The following RASSF3 variants were observed in gnomAD, a reference collection of about 807,000 sequenced individuals.
The protein encoded by RASSF3 is ras association domain-containing protein 3.
Under a neutral mutation model 19.9 loss-of-function variants are expected in RASSF3, and 19 were observed. The ratio of observed to expected loss-of-function variants is 0.96; its 90% CI spans 0.67 to 1.40. The LOEUF (loss-of-function observed/expected upper bound fraction) is 1.40. Ranked by LOEUF, RASSF3 falls within the 40% of genes most tolerant of loss-of-function variation. The pLI is 0.00. For synonymous variants in RASSF3, 110 were observed against 104.2 expected, an observed-to-expected ratio of 1.06 and a Z score of -0.34; for missense variants, 306 against 289.8, an observed-to-expected ratio of 1.06 and a Z score of -0.41.
At chr12:64,587,939 A>AT (rs1168207548) in intron 2 of RASSF3, among the ~76,000 whole-genome samples, 1 of 152,220 alleles carries the variant, frequency 6.6e-6, no homozygotes. Flanking sequence ...CCCCAGCTGC[A>AT]TCTTTAAGTT....
chr12:64,543,563 G>A (rs1362515867), downstream of RASSF3, among the ~76,000 whole-genome samples: 5 of 81,360 alleles, frequency 6.1e-5, no homozygotes, highest in Non-Finnish European at 1.1e-4. Context: ...TGCACGGCCC[G>A]AGCCTCCCCG....
At position 64,524,031 on chromosome 12, in the gene RASSF3, C is replaced by T. The variant is rs111964841; in HGVS notation, c.169+16702C>T. On this transcript the variant is annotated intron_variant, in intron 1 of 5. Transcript: ENST00000637125. ...CAAATCCCACCCAGACTGCCATCAC[C>T]ACTTGCTAGCTGTACTTGCTCTTTT... 7.7e-3 allele frequency among the ~76,000 whole-genome samples: 1,139 copies of T among 147,974 alleles called. 13 individuals are homozygous for T. Among genetic ancestry groups the T allele is most frequent in the African/African-American group, 0.027 (1,081 of 40,542 alleles).
chr12:64,631,771 T>C (rs1871177297), intron 1 of RASSF3, among the ~76,000 whole-genome samples: 1 of 152,056 alleles, frequency 6.6e-6, no homozygotes, highest in Non-Finnish European at 1.5e-5. Context: ...AGTTTTGCCA[T>C]GTTGGCCAGG....
intron 2 of RASSF3, among the ~76,000 whole-genome samples, chr12:64,559,169 C>T (rs1173861047): frequency 1.3e-5 from 2 of 152,124 alleles, no homozygotes; most frequent in African/African-American, 4.8e-5. Context: ...TACTGGTGCC[C>T]CTCTCAAGTC....
At chr12:64,668,680 ATT>A (rs34052700) in intron 1 of RASSF3, among the ~76,000 whole-genome samples, 16 of 124,182 alleles carry the variant, frequency 1.3e-4, no homozygotes, top group Non-Finnish European at 1.2e-4. Flanking sequence ...TTTAATTTTG[ATT>A]TTTTTTTTTT....
chr12:64,691,731 G>GGGTTGGGA (rs1401082589), intron 4 of RASSF3, 152 bp downstream of exon 4: 3 of 584,540 alleles, frequency 5.1e-6, no homozygotes, highest in African/African-American at 3.7e-5. Flanking sequence ...GGAGGGCAGG[G>GGGTTGGGA]AGAGGGAGAG....
chr12:64,593,973 C>T lies in RASSF3; in HGVS notation c.294+52268C>T, dbSNP rs146793545. On this transcript the variant is annotated intron_variant, in intron 2 of 5. Coordinates refer to the RASSF3 transcript ENST00000637125. Reference sequence around the variant, plus strand: ...GTTGCAGTGAGCCTAGATCACACTACAGCACTCCAGCCTGGGCGACAGGGT... The same window carrying T: ...GTTGCAGTGAGCCTAGATCACACTATAGCACTCCAGCCTGGGCGACAGGGT... Among the ~76,000 whole-genome samples the T allele has an allele frequency of 1.9e-3, 244 of 130,418 alleles. 1 individual carries two copies. The highest frequency in any genetic ancestry group is 6.9e-3 in the African/African-American group (237 of 34,106). The allele number at this position is 130,418 out of a possible 152,430, so 85.6% of individuals were successfully genotyped here. A position where few individuals can be genotyped will look rare whatever the true frequency, so the allele number is the denominator to read the frequency against.
chr12:64,684,927 C>G, intron 2 of RASSF3, 33 bp downstream of exon 2: 1 of 1,209,254 alleles, frequency 8.3e-7, no homozygotes, highest in Non-Finnish European at 1.2e-6. Context: ...AGGTTGACAC[C>G]TGTCAAAAGA....
At chr12:64,562,023 T>G (rs147348142) in intron 2 of RASSF3, among the ~76,000 whole-genome samples, 66 of 139,864 alleles carry the variant, frequency 4.7e-4, no homozygotes, top group Non-Finnish European at 6.9e-4. Context: ...ATTTATTTAT[T>G]TTTGTTTGTT....
rs543289795 is a variant in RASSF3, at chr12:64,579,191, T to C, written c.294+37486T>C. Among the ~76,000 whole-genome samples the C allele has an allele frequency of 1.1e-3, 163 of 152,242 alleles. 1 individual carries two copies. Among genetic ancestry groups the C allele is most frequent in the African/African-American group, 3.6e-3 (151 of 41,564 alleles). Reference sequence around the variant, plus strand: ...GAACCTACTAATGACACAACCGTGTTAGAAAGTCTGCACCTTTTTTCAGCT... The same window carrying C: ...GAACCTACTAATGACACAACCGTGTCAGAAAGTCTGCACCTTTTTTCAGCT... On this transcript the variant is annotated intron_variant, in intron 2 of 5. Transcript: ENST00000637125.
intron 1 of RASSF3, among the ~76,000 whole-genome samples, chr12:64,537,352 C>G (rs534940544): frequency 6.6e-6 from 1 of 152,290 alleles, no homozygotes. Flanking sequence ...GTCTCACAAA[C>G]AGTAAGTTGA....
At chr12:64,628,053 T>C (rs1008129286) in intron 1 of RASSF3, among the ~76,000 whole-genome samples, 10 of 152,252 alleles carry the variant, frequency 6.6e-5, no homozygotes, top group African/African-American at 2.4e-4. Flanking sequence ...GTGAGTTGAG[T>C]CATGGGTGTT....
chr12:64,612,795 G>A (rs1385604572), intron 1 of RASSF3, among the ~76,000 whole-genome samples: 1 of 152,008 alleles, frequency 6.6e-6, no homozygotes, highest in Non-Finnish European at 1.5e-5. Context: ...TTTCTATGTT[G>A]TATGCAATCA....
intron 1 of RASSF3, among the ~76,000 whole-genome samples, chr12:64,669,712 C>T (rs1388680264): frequency 6.6e-6 from 1 of 151,636 alleles, no homozygotes; most frequent in Non-Finnish European, 1.5e-5. Context: ...GTTGGGAGTC[C>T]GGCTGGGCCA....
chr12:64,588,252 G>A (rs1441234476), intron 2 of RASSF3, among the ~76,000 whole-genome samples: 1 of 152,126 alleles, frequency 6.6e-6, no homozygotes, highest in Non-Finnish European at 1.5e-5. Context: ...GATTAGAAAA[G>A]TGAATTCTTG....
intron 2 of RASSF3, among the ~76,000 whole-genome samples, chr12:64,560,745 G>C (rs920040541): frequency 1.3e-5 from 2 of 152,204 alleles, no homozygotes; most frequent in Non-Finnish European, 2.9e-5. Flanking sequence ...GCTAAGATGG[G>C]ATTGGATGTG....
chr12:64,620,014 C>CTGTGTGTGTGGGTGTGTG (rs1870694474), intron 1 of RASSF3, among the ~76,000 whole-genome samples: 1 of 134,168 alleles, frequency 7.5e-6, no homozygotes. Context: ...TGCAGGTTGA[C>CTGTGTGTGTGGGTGTGTG]TGTGTGTGTG....
chr12:64,548,878 A>C (rs1869112138), intron 2 of RASSF3, among the ~76,000 whole-genome samples: 1 of 152,200 alleles, frequency 6.6e-6, no homozygotes, highest in Non-Finnish European at 1.5e-5. Flanking sequence ...CCAATTTTCA[A>C]ATTGTCATTA....
chr12:64,655,916 A>G (rs1011648312), intron 1 of RASSF3, among the ~76,000 whole-genome samples: 9 of 151,556 alleles, frequency 5.9e-5, no homozygotes, highest in Non-Finnish European at 1.2e-4. Context: ...AATCCTGGCT[A>G]CTTGGGAGGC....
Sources: gnomAD v4.1 joint callset for allele counts (sites outside exome capture counted in the v4.1 genomes callset) on GRCh38, gnomAD v4.1.1 for gene constraint, MANE v1.5 for transcripts, NCBI Gene and HGNC (gene_info 2026-07-23, HGNC 2026-07-21) for gene names.